The following SEMA3C variants were observed in gnomAD, a reference collection of about 807,000 sequenced individuals.
The protein encoded by SEMA3C is semaphorin 3C.
A neutral mutation model predicts 89.4 loss-of-function variants in SEMA3C; 47 were observed. The observed-to-expected ratio is 0.53, with a 90% confidence interval of 0.42 to 0.67. SEMA3C has a LOEUF of 0.67. Ranked by LOEUF, SEMA3C falls within the 30% of genes least tolerant of loss-of-function variation. The pLI, the probability that SEMA3C is intolerant of heterozygous loss-of-function variation, is 0.00. For missense variants in SEMA3C, 839 were observed against 929.1 expected (o/e 0.90, Z 1.26); for synonymous variants, 310 against 320.2 (o/e 0.97, Z 0.34).
At position 80,832,762 on chromosome 7, in the gene SEMA3C, C is replaced by A. The variant is rs574586780; in HGVS notation, c.104-4017G>T. On this transcript the variant is annotated intron_variant, in intron 2 of 17. Transcript: ENST00000265361. The stretch of plus-strand genomic sequence containing the variant: ...AAAAAATCTGGATCTTTTAAGAAAT[C>A]ATTGAGTTACTGAATTAACCGGAAC... Among the ~76,000 whole-genome samples the A allele has an allele frequency of 1.1e-3, 160 of 152,242 alleles. 2 individuals carry two copies. Among genetic ancestry groups the A allele is most frequent in the Middle Eastern group, 6.8e-3 (2 of 294 alleles).
At chr7:80,851,500 T>A (rs1402106104) in intron 2 of SEMA3C, among the ~76,000 whole-genome samples, 1 of 97,706 alleles carries the variant, frequency 1.0e-5, no homozygotes, top group African/African-American at 3.8e-5. Context: ...AAGACTCTTG[T>A]CTTTAAAAAA....
intron 2 of SEMA3C, among the ~76,000 whole-genome samples, chr7:80,869,694 A>T (rs887039153): frequency 6.6e-6 from 1 of 152,142 alleles, no homozygotes; most frequent in Non-Finnish European, 1.5e-5. Flanking sequence ...ATAAAATTGT[A>T]TTGCTAGATT....
intron 2 of SEMA3C, among the ~76,000 whole-genome samples, chr7:80,877,620 T>C (rs1455640091): frequency 6.6e-6 from 1 of 152,202 alleles, no homozygotes; most frequent in Non-Finnish European, 1.5e-5. Flanking sequence ...AAAATATACT[T>C]ATCAGTTGAA....
chr7:80,866,458 G>T (rs1159900934), intron 2 of SEMA3C, among the ~76,000 whole-genome samples: 2 of 152,010 alleles, frequency 1.3e-5, no homozygotes, highest in Non-Finnish European at 2.9e-5. Context: ...TTCTTAAGAA[G>T]TAGCTCAGCA....
chr7:80,874,406 C>A lies in SEMA3C; in HGVS notation c.103+42273G>T, dbSNP rs192417845. Among the ~76,000 whole-genome samples, 145 of 152,060 alleles carry A rather than the reference C, an allele frequency of 9.5e-4. 3 individuals carry two copies. The East Asian group carries it at 0.024, about 25-fold the overall frequency. ...AATTGTTTTTACAGCAAGGGTACGACCTTTTCTATGTTCAATGCATTATTT... is the reference window on the plus strand; with the variant it reads ...AATTGTTTTTACAGCAAGGGTACGAACTTTTCTATGTTCAATGCATTATTT... On this transcript the variant is annotated intron_variant, in intron 2 of 17. Coordinates refer to ENST00000265361, the MANE Select transcript of SEMA3C (RefSeq NM_006379.5).
At position 80,851,714 on chromosome 7, in the gene SEMA3C, T is replaced by A. The variant is rs770360285; in HGVS notation, c.104-22969A>T. On this transcript the variant is annotated intron_variant, in intron 2 of 17. Coordinates refer to ENST00000265361, the MANE Select transcript of SEMA3C (RefSeq NM_006379.5). ...GGGAAAAACTGCCTTTTATGGATAA[T>A]GGTATCATAACACGTAGACAGCGAT... Among the ~76,000 whole-genome samples the A allele has an allele frequency of 1.5e-4, 23 of 151,634 alleles. No homozygotes were observed. In the Middle Eastern group the frequency reaches 0.014, roughly 90 times the overall value.
At chr7:80,812,201 C>T (rs140878380) in intron 5 of SEMA3C, among the ~76,000 whole-genome samples, 2 of 152,060 alleles carry the variant, frequency 1.3e-5, no homozygotes, top group African/African-American at 4.8e-5. Context: ...GCAGGACCTC[C>T]CTAAACATAA....
chr7:80,798,681 G>A (rs1789124888), intron 10 of SEMA3C, among the ~76,000 whole-genome samples: 1 of 152,066 alleles, frequency 6.6e-6, no homozygotes, highest in Admixed American at 6.6e-5. Context: ...TTTAATATGA[G>A]AGTGTTCTCA....
intron 2 of SEMA3C, among the ~76,000 whole-genome samples, chr7:80,861,922 C>T (rs1187421388): frequency 5.3e-5 from 8 of 152,050 alleles, no homozygotes; most frequent in Admixed American, 1.3e-4. Context: ...TCAGCAAAAT[C>T]GACATACAAG....
chr7:80,805,901 C>A, intron 6 of SEMA3C, 143 bp from the exon 7 acceptor site: 1 of 483,748 alleles, frequency 2.1e-6, no homozygotes, highest in South Asian at 4.7e-5. Flanking sequence ...TTTGCATTGT[C>A]CAGCAAATCA....
chr7:80,804,025 G>C, intron 8 of SEMA3C, 81 bp downstream of exon 8: 2 of 1,237,716 alleles, frequency 1.6e-6, no homozygotes, highest in Non-Finnish European at 2.2e-6. Context: ...TATTTGTAAT[G>C]GTTGATAATA....
intron 2 of SEMA3C, among the ~76,000 whole-genome samples, chr7:80,900,760 G>T (rs1264313647): frequency 6.6e-6 from 1 of 152,164 alleles, no homozygotes. Context: ...TGTAAATCGT[G>T]CACAGACTAA....
At chr7:80,869,138 C>A (rs1373184936) in intron 2 of SEMA3C, among the ~76,000 whole-genome samples, 1 of 152,140 alleles carries the variant, frequency 6.6e-6, no homozygotes, top group Non-Finnish European at 1.5e-5. Flanking sequence ...CAAATCAGCA[C>A]AATTTTTAGT....
intron 2 of SEMA3C, among the ~76,000 whole-genome samples, chr7:80,842,780 G>A (rs975252656): frequency 4.6e-5 from 7 of 152,196 alleles, no homozygotes; most frequent in Non-Finnish European, 7.4e-5. Context: ...ACAAGATTAA[G>A]TCAAACAAGC....
At chr7:80,907,677 T>A (rs1184019320) in intron 2 of SEMA3C, among the ~76,000 whole-genome samples, 1 of 152,120 alleles carries the variant, frequency 6.6e-6, no homozygotes, top group African/African-American at 2.4e-5. Context: ...TAATAATGTT[T>A]AGTTGTGAAT....
At chr7:80,758,968 A>G (rs573314630) in intron 14 of SEMA3C, among the ~76,000 whole-genome samples, 1 of 152,332 alleles carries the variant, frequency 6.6e-6, no homozygotes, top group African/African-American at 2.4e-5. Context: ...ATGAAATAAA[A>G]AAGAATATTT....
At chr7:80,835,406 G>T (rs1242571776) in intron 2 of SEMA3C, among the ~76,000 whole-genome samples, 1 of 152,084 alleles carries the variant, frequency 6.6e-6, no homozygotes, top group Non-Finnish European at 1.5e-5. Flanking sequence ...CACATCTACA[G>T]ATTTCAAAGT....
At chr7:80,803,960 TATA>T (rs1789275202) in intron 8 of SEMA3C, 143 bp downstream of exon 8, 2 of 705,264 alleles carry the variant, frequency 2.8e-6, no homozygotes, top group African/African-American at 1.8e-5. Context: ...GAATATTAAA[TATA>T]ATAATGATGA....
intron 2 of SEMA3C, among the ~76,000 whole-genome samples, chr7:80,886,069 C>A (rs544401064): frequency 1.4e-4 from 22 of 152,280 alleles, no homozygotes; most frequent in African/African-American, 5.3e-4. Context: ...AAAATATACT[C>A]ACATTATCCA....
Sources: gnomAD v4.1 joint callset for allele counts (sites outside exome capture counted in the v4.1 genomes callset) on GRCh38, gnomAD v4.1.1 for gene constraint, MANE v1.5 for transcripts, NCBI Gene and HGNC (gene_info 2026-07-23, HGNC 2026-07-21) for gene names.